TLL1: variants seen among roughly 807,000 people sequenced by gnomAD.
The protein encoded by TLL1 is tolloid like 1.
TLL1 carries 49 observed loss-of-function variants against 128.2 expected under a neutral mutation model. The ratio of observed to expected loss-of-function variants is 0.38; its 90% CI spans 0.30 to 0.48. The LOEUF is 0.48. Ranked by LOEUF, TLL1 falls within the 20% of genes least tolerant of loss-of-function variation. The pLI is 0.96. For synonymous variants in TLL1, 454 were observed against 418.8 expected (o/e 1.08, Z -1.03); for missense variants, 1,123 against 1,242.0 (o/e 0.90, Z 1.44).
In TLL1 at chr4:166,100,727, T is replaced by G; in HGVS notation, c.2908-15T>G. The G allele has an allele frequency of 1.9e-6, 3 of 1,612,650 alleles. No individual in the cohort carries two copies. Among genetic ancestry groups the G allele is most frequent in the Non-Finnish European group, 2.5e-6 (3 of 1,179,054 alleles). On this transcript the variant is annotated splice_polypyrimidine_tract_variant and intron_variant, in intron 20 of 20. Transcript: ENST00000061240. ...ATTGCTTGTTTACTTGCTTGTTGTT[T>G]TTGTTTTCCTTCAGCCACCAGAAGA... is the stretch of plus-strand genomic sequence containing the variant.
At position 166,008,031 on chromosome 4, in the gene TLL1, C is replaced by T. The variant is rs1387018475; in HGVS notation, c.900C>T (p.Ala300=). 3 of 1,609,016 alleles carry T rather than the reference C, an allele frequency of 1.9e-6. No homozygotes were observed. The highest frequency in any genetic ancestry group is 1.7e-5 in the Admixed American group (1 of 59,748). ...ATTTCGACAGTATCATGCACTATGCCAGGAACACCTTCTCAAGGTTGGAGT... is the reference window on the plus strand; with the variant it reads ...ATTTCGACAGTATCATGCACTATGCTAGGAACACCTTCTCAAGGTTGGAGT... ...RYDFDSIMHY[A]RNTFSRGMFL... The change falls in exon 7 of 21, where the codon GCC becomes GCT. Residue 300 remains alanine, a synonymous_variant. Transcript: ENST00000061240.
At chr4:166,071,989 T>TA (rs993096282) in intron 16 of TLL1, among the ~76,000 whole-genome samples, 4 of 152,024 alleles carry the variant, frequency 2.6e-5, no homozygotes, top group African/African-American at 7.2e-5. Context: ...CTGCATGATG[T>TA]AAAACATCTG....
intron 1 of TLL1, among the ~76,000 whole-genome samples, chr4:165,947,843 A>T (rs1734328701): frequency 6.6e-6 from 1 of 152,150 alleles, no homozygotes; most frequent in Middle Eastern, 3.2e-3. Context: ...ATTAATGCCA[A>T]ACTCACAAGA....
intron 18 of TLL1, among the ~76,000 whole-genome samples, chr4:166,078,879 A>G (rs933488223): frequency 3.3e-5 from 5 of 152,170 alleles, no homozygotes; most frequent in African/African-American, 1.2e-4. Context: ...TCACTAGATC[A>G]GTCCAATCAT....
intron 5 of TLL1, among the ~76,000 whole-genome samples, chr4:166,002,490 G>C (rs1579607681): frequency 6.6e-6 from 1 of 151,972 alleles, no homozygotes; most frequent in East Asian, 1.9e-4. Flanking sequence ...TGTTGCTCAG[G>C]CTGGAGCGCA....
intron 18 of TLL1, among the ~76,000 whole-genome samples, chr4:166,090,324 C>A (rs896526364): frequency 6.6e-6 from 1 of 152,024 alleles, no homozygotes; most frequent in South Asian, 2.1e-4. Flanking sequence ...ATAGCTTGGA[C>A]AATATTATTT....
intron 1 of TLL1, among the ~76,000 whole-genome samples, chr4:165,934,148 G>A (rs1733658805): frequency 6.7e-6 from 1 of 148,680 alleles, no homozygotes; most frequent in East Asian, 2.0e-4. Context: ...ACAGGTGCCT[G>A]CCACCACGCC....
intron 1 of TLL1, among the ~76,000 whole-genome samples, chr4:165,934,262 G>A (rs953933759): frequency 1.2e-4 from 17 of 143,766 alleles, no homozygotes; most frequent in Middle Eastern, 3.8e-3. Flanking sequence ...TGATCCACCC[G>A]CCTCAGCCTC....
chr4:165,977,353 C>T (rs1465084365), intron 1 of TLL1, among the ~76,000 whole-genome samples: 1 of 152,142 alleles, frequency 6.6e-6, no homozygotes, highest in Non-Finnish European at 1.5e-5. Context: ...CCTGCACACA[C>T]TCTCTCGCCT....
chr4:166,018,707 T>C lies in TLL1; in HGVS notation c.1042+4147T>C, dbSNP rs1027069626. 2.6e-5 allele frequency among the ~76,000 whole-genome samples: 4 copies of C among 151,962 alleles called. 1 individual carries two copies. In the South Asian group the frequency reaches 8.3e-4, roughly 31 times the overall value. On this transcript the variant is annotated intron_variant, in intron 8 of 20. Transcript: ENST00000061240. ...AGCCAACAAACATATGAAAAAATGC[T>C]CATCATTGCTAAACATCAGAGAAAT...
chr4:166,023,282 C>T (rs549403660), intron 8 of TLL1, among the ~76,000 whole-genome samples: 46 of 152,242 alleles, frequency 3.0e-4, no homozygotes, highest in African/African-American at 1.1e-3. Context: ...TGCCTGTAAT[C>T]CCAGCTATTC....
chr4:165,915,421 G>A (rs1732735378), intron 1 of TLL1, among the ~76,000 whole-genome samples: 1 of 152,188 alleles, frequency 6.6e-6, no homozygotes, highest in South Asian at 2.1e-4. Flanking sequence ...ACGATTGAGT[G>A]ATCTGATGAA....
At chr4:165,984,585 A>G (rs1004309144) in intron 1 of TLL1, among the ~76,000 whole-genome samples, 6 of 151,938 alleles carry the variant, frequency 3.9e-5, no homozygotes, top group African/African-American at 1.4e-4. Flanking sequence ...CCTAAATCCA[A>G]TATCAATAAA....
At chr4:165,959,482 G>C (rs572489756) in intron 1 of TLL1, among the ~76,000 whole-genome samples, 1 of 151,672 alleles carries the variant, frequency 6.6e-6, no homozygotes, top group Non-Finnish European at 1.5e-5. Context: ...TCAACACTTG[G>C]CCAGTTGCAT....
intron 13 of TLL1, among the ~76,000 whole-genome samples, chr4:166,056,366 A>G (rs1231260485): frequency 6.6e-6 from 1 of 151,782 alleles, no homozygotes; most frequent in East Asian, 1.9e-4. Flanking sequence ...GTATCCTGTC[A>G]TATACATTTT....
intron 1 of TLL1, among the ~76,000 whole-genome samples, chr4:165,961,169 G>A (rs1011623165): frequency 3.9e-5 from 6 of 152,078 alleles, no homozygotes; most frequent in South Asian, 2.1e-4. Context: ...ATTTTTACAC[G>A]CTAACAATGT....
At chr4:165,996,244 C>T (rs1288587601) in intron 5 of TLL1, among the ~76,000 whole-genome samples, 1 of 152,112 alleles carries the variant, frequency 6.6e-6, no homozygotes, top group African/African-American at 2.4e-5. Flanking sequence ...GTTAAGTTAC[C>T]TCTGTGTCCC....
chr4:166,103,513 A>G lies in TLL1; in HGVS notation c.*2637A>G, dbSNP rs1742379159. 3 of 151,884 alleles carry G rather than the reference A, an allele frequency of 2.0e-5. No individual in the cohort carries two copies. The highest frequency in any genetic ancestry group is 6.6e-5 in the Admixed American group (1 of 15,200). The allele number at this position is 151,884 out of a possible 1,614,324, so 9.4% of individuals were successfully genotyped here. ...ATTCTGATTGACATCTTATTAGGCC[A>G]TAGTGAGCTATGCTCTGCACAACTG... On this transcript the variant is annotated 3_prime_UTR_variant, in exon 21 of 21. Coordinates refer to ENST00000061240, the MANE Select transcript of TLL1 (RefSeq NM_012464.5).
chr4:166,039,357 A>G lies in TLL1; in HGVS notation c.1177A>G (p.Thr393Ala), dbSNP rs115185843. Residue 393 changes from threonine to alanine, a missense_variant, in exon 10 of 21, where the codon ACG (threonine) becomes GCG (alanine). Coordinates refer to ENST00000061240, the MANE Select transcript of TLL1 (RefSeq NM_012464.5). Reference sequence around the variant, plus strand: ...TTTGCAGATTGTTTTAAATTTTACAACGATGGATCTATACAAGAGTAGTTT... The same window carrying G: ...TTTGCAGATTGTTTTAAATTTTACAGCGATGGATCTATACAAGAGTAGTTT... ...PGEKIVLNFT[T>A]MDLYKSSLCW... 6.8e-6 allele frequency: 11 copies of G among 1,613,212 alleles called. No individual in the cohort carries two copies. Among genetic ancestry groups the G allele is most frequent in the Admixed American group, 3.3e-5 (2 of 59,988 alleles).
Sources: allele counts gnomAD v4.1 joint callset (sites outside exome capture counted in the v4.1 genomes callset), GRCh38; gene constraint gnomAD v4.1.1; transcripts MANE v1.5; gene names NCBI Gene and HGNC (gene_info 2026-07-23, HGNC 2026-07-21).